Variants in ANO3 observed in about 807,000 individuals in gnomAD.
The protein encoded by ANO3 is anoctamin-3.
ANO3 carries 99 observed loss-of-function variants against 144.8 expected under a neutral mutation model. The observed-to-expected ratio is 0.68, with a 90% confidence interval of 0.58 to 0.81. ANO3 has a LOEUF of 0.81. Ranked by LOEUF, ANO3 falls within the 30% of genes least tolerant of loss-of-function variation. The pLI is 0.00. For missense variants in ANO3, 905 were observed against 1,202.2 expected, an observed-to-expected ratio of 0.75 and a Z score of 3.66; for synonymous variants, 414 against 392.6, an observed-to-expected ratio of 1.05 and a Z score of -0.64.
intron 13 of ANO3, among the ~76,000 whole-genome samples, chr11:26,557,273 AAG>A (rs1850110290): frequency 6.6e-6 from 1 of 151,940 alleles, no homozygotes; most frequent in Non-Finnish European, 1.5e-5. Context: ...CATCCTGGCT[AAG>A]ACAGTGAAAC....
At chr11:26,233,126 A>G (rs1852438558) in intron 1 of ANO3, among the ~76,000 whole-genome samples, 1 of 151,896 alleles carries the variant, frequency 6.6e-6, no homozygotes, top group African/African-American at 2.4e-5. Flanking sequence ...CTGAGGCAGG[A>G]GAATGGCGTG....
At chr11:26,272,488 C>A (rs1401587431) in intron 1 of ANO3, among the ~76,000 whole-genome samples, 1 of 152,112 alleles carries the variant, frequency 6.6e-6, no homozygotes, top group Non-Finnish European at 1.5e-5. Context: ...ATAAGAAAGA[C>A]ATACCTATAG....
chr11:26,358,644 G>A (rs926221443), intron 1 of ANO3, among the ~76,000 whole-genome samples: 14 of 151,960 alleles, frequency 9.2e-5, no homozygotes, highest in African/African-American at 2.9e-4. Context: ...AAATATGTGG[G>A]TGTACAGTTT....
intron 1 of ANO3, among the ~76,000 whole-genome samples, chr11:26,347,562 G>C (rs1277312211): frequency 6.6e-6 from 1 of 152,104 alleles, no homozygotes; most frequent in Non-Finnish European, 1.5e-5. Context: ...TATAGAATCA[G>C]GAATATATCT....
At chr11:26,247,060 A>G (rs918339971) in intron 1 of ANO3, among the ~76,000 whole-genome samples, 5 of 152,222 alleles carry the variant, frequency 3.3e-5, no homozygotes, top group African/African-American at 1.2e-4. Context: ...ACAGTTTTAA[A>G]TGTTTTAAGT....
intron 4 of ANO3, among the ~76,000 whole-genome samples, chr11:26,494,553 A>C (rs779875585): frequency 2.0e-5 from 3 of 152,200 alleles, no homozygotes; most frequent in Non-Finnish European, 4.4e-5. Flanking sequence ...CACTTACCTT[A>C]GAGGAAATGC....
chr11:26,206,493 T>C lies in ANO3; in HGVS notation c.154+17163T>C, dbSNP rs192795364. On this transcript the variant is annotated intron_variant, in intron 1 of 27. Transcript: ENST00000672621. Reference sequence around the variant, plus strand: ...AATGTCAAAAAATTAGCTTCTATTTTAATAAGAACTAATATCTTCAAGGAA... The same window carrying C: ...AATGTCAAAAAATTAGCTTCTATTTCAATAAGAACTAATATCTTCAAGGAA... Among the ~76,000 whole-genome samples, 3 of 152,288 alleles carry C rather than the reference T, an allele frequency of 2.0e-5. No homozygotes were observed. The East Asian group carries it at 5.8e-4, about 29-fold the overall frequency.
intron 1 of ANO3, among the ~76,000 whole-genome samples, chr11:26,209,758 T>A (rs1050179571): frequency 6.6e-6 from 1 of 152,248 alleles, no homozygotes; most frequent in Non-Finnish European, 1.5e-5. Context: ...TGAGCTTTTT[T>A]TCGTGTTTGT....
intron 7 of ANO3, among the ~76,000 whole-genome samples, chr11:26,530,037 C>G (rs1056173125): frequency 3.9e-5 from 6 of 152,070 alleles, no homozygotes; most frequent in Non-Finnish European, 8.8e-5. Flanking sequence ...GTCCCTATCC[C>G]AGGCCTATGA....
intron 1 of ANO3, among the ~76,000 whole-genome samples, chr11:26,270,031 G>A (rs748371264): frequency 6.6e-6 from 1 of 152,174 alleles, no homozygotes; most frequent in Admixed American, 6.5e-5. Flanking sequence ...AAACCAAGGA[G>A]AGAGGCCTCA....
At chr11:26,470,095 T>C (rs1040834883) in intron 4 of ANO3, among the ~76,000 whole-genome samples, 2 of 151,880 alleles carry the variant, frequency 1.3e-5, no homozygotes, top group Non-Finnish European at 2.9e-5. Flanking sequence ...ATGCAGAGAA[T>C]GCAATTAGAA....
At position 26,430,996 on chromosome 11, in the gene ANO3, T is replaced by C. The variant is rs527954902; in HGVS notation, c.47-10922T>C. ...TGCTAATTGACTTGTATGTTGGTGA[T>C]ATCCAGATCTCTCTGTGGCAGTAGA... On this transcript the variant is annotated intron_variant, in intron 1 of 26. Coordinates refer to ENST00000256737, the MANE Select transcript of ANO3 (RefSeq NM_031418.4). 5.3e-5 allele frequency among the ~76,000 whole-genome samples: 8 copies of C among 152,344 alleles called. No homozygotes were observed. The East Asian group carries it at 1.5e-3, about 29-fold the overall frequency.
intron 1 of ANO3, among the ~76,000 whole-genome samples, chr11:26,382,543 A>G (rs1160336953): frequency 1.3e-5 from 2 of 152,170 alleles, no homozygotes; most frequent in African/African-American, 4.8e-5. Flanking sequence ...TTATTTTTTA[A>G]AGCTTGGTAC....
intron 5 of ANO3, among the ~76,000 whole-genome samples, chr11:26,516,458 G>T (rs573925716): frequency 2.0e-5 from 3 of 151,874 alleles, no homozygotes; most frequent in South Asian, 2.1e-4. Context: ...GTGGTAACTG[G>T]CAGTGTTTTC....
At chr11:26,428,290 A>G (rs1035695096) in intron 1 of ANO3, among the ~76,000 whole-genome samples, 1 of 152,206 alleles carries the variant, frequency 6.6e-6, no homozygotes, top group Non-Finnish European at 1.5e-5. Flanking sequence ...ACAAACCTAT[A>G]TATTGAAAAG....
intron 1 of ANO3, among the ~76,000 whole-genome samples, chr11:26,434,978 T>C (rs1858243000): frequency 6.6e-6 from 1 of 152,136 alleles, no homozygotes; most frequent in Admixed American, 6.5e-5. Context: ...AATATCTTTG[T>C]TAATTTTCTG....
At chr11:26,561,693 T>TA (rs1038025206) in intron 14 of ANO3, among the ~76,000 whole-genome samples, 47 of 152,074 alleles carry the variant, frequency 3.1e-4, no homozygotes, top group Admixed American at 2.1e-3. Context: ...GTGGAGGAGA[T>TA]AAAAAAAGTA....
chr11:26,508,354 A>C, intron 5 of ANO3, 92 bp downstream of exon 5: 1 of 1,173,268 alleles, frequency 8.5e-7, no homozygotes, highest in Non-Finnish European at 1.2e-6. Flanking sequence ...GTATCACATG[A>C]CTTTATAAAA....
chr11:26,546,311 A>T (rs185568410), intron 11 of ANO3, among the ~76,000 whole-genome samples: 2 of 152,150 alleles, frequency 1.3e-5, no homozygotes, highest in East Asian at 3.9e-4. Flanking sequence ...TGGAGAAGTG[A>T]TGCTTGACAG....
Sources: gnomAD v4.1 joint callset for allele counts (sites outside exome capture counted in the v4.1 genomes callset) on GRCh38, gnomAD v4.1.1 for gene constraint, MANE v1.5 for transcripts, NCBI Gene and HGNC (gene_info 2026-07-23, HGNC 2026-07-21) for gene names.